The following ZNF185 variants were observed in gnomAD, a reference collection of about 807,000 sequenced individuals.
ZNF185 encodes zinc finger protein 185 with LIM domain.
Under a neutral mutation model 58.6 loss-of-function variants are expected in ZNF185, and 56 were observed. The observed-to-expected ratio is 0.95, with a 90% CI of 0.77 to 1.19. The LOEUF is 1.19. Ranked by LOEUF, ZNF185 falls within the 50% of genes most tolerant of loss-of-function variation. The pLI, the probability that ZNF185 is intolerant of heterozygous loss-of-function variation, is 0.00. For synonymous variants in ZNF185, 230 were observed against 215.9 expected (o/e 1.07, Z -0.57); for missense variants, 627 against 573.5 (o/e 1.09, Z -0.95).
At chrX:152,919,187 C>T in intron 7 of ZNF185, 106 bp downstream of exon 8, 1 of 606,936 alleles carries the variant, frequency 1.6e-6, no homozygotes, top group Non-Finnish European at 2.7e-6. Context: ...AAATGCACAA[C>T]ACGTAGGCCA....
At chrX:152,968,063 T>C (rs1248604523) in intron 20 of ZNF185, among the ~76,000 whole-genome samples, 1 of 111,339 alleles carries the variant, frequency 9.0e-6, no homozygotes, top group African/African-American at 3.3e-5. Flanking sequence ...AGGAAGGAAG[T>C]AAGAGGGTTA....
intron 16 of ZNF185, among the ~76,000 whole-genome samples, chrX:152,951,148 C>T (rs1441550125): frequency 1.9e-5 from 2 of 104,543 alleles, no homozygotes; most frequent in African/African-American, 3.5e-5. Context: ...TGCAGTCGCG[C>T]GATCACCATG....
chrX:152,937,631 C>G (rs1556883353), intron 14 of ZNF185, among the ~76,000 whole-genome samples: 1 of 112,199 alleles, frequency 8.9e-6, no homozygotes, highest in South Asian at 3.7e-4. Context: ...GGCAGTTATA[C>G]CTTTTACAGA....
chrX:152,914,820 G>A, exon 2 of ZNF185: 1 of 1,185,138 alleles, frequency 8.4e-7, no homozygotes, highest in Non-Finnish European at 1.1e-6. Context: ...GGATGAATCG[G>A]AGGGTCGCAC....
chrX:152,958,731 C>CAA (rs782229640), intron 16 of ZNF185, among the ~76,000 whole-genome samples: 1 of 84,382 alleles, frequency 1.2e-5, no homozygotes, highest in African/African-American at 4.7e-5. Context: ...AACTCCGTCT[C>CAA]AAAAAAAAAA....
chrX:152,899,722 T>A, the ZNF185 span, among the ~76,000 whole-genome samples: 2,376 of 111,675 alleles, frequency 0.021, 69 homozygotes, highest in African/African-American at 0.073. Flanking sequence ...GGTTCCTCAG[T>A]CCTGGAGCAG....
At chrX:152,929,699 C>T (rs781860561) in intron 12 of ZNF185, among the ~76,000 whole-genome samples, 6 of 112,666 alleles carry the variant, frequency 5.3e-5, no homozygotes, top group Admixed American at 1.9e-4. Flanking sequence ...TGTCTGCGAC[C>T]GTTTCCTACT....
At chrX:152,901,253 T>TG in the ZNF185 span, among the ~76,000 whole-genome samples, 5 of 107,562 alleles carry the variant, frequency 4.6e-5, no homozygotes, top group East Asian at 1.4e-3. Context: ...TTTTTTTTTT[T>TG]TTGTTAGAGC....
At chrX:152,955,969 T>G (rs1290256761) in intron 16 of ZNF185, among the ~76,000 whole-genome samples, 1 of 101,322 alleles carries the variant, frequency 9.9e-6, no homozygotes, top group African/African-American at 3.6e-5. Flanking sequence ...TGACCAAAAC[T>G]TAGGGCCTTA....
intron 16 of ZNF185, among the ~76,000 whole-genome samples, chrX:152,956,905 G>GT (rs1190392600): frequency 8.9e-6 from 1 of 112,029 alleles, no homozygotes; most frequent in Admixed American, 9.4e-5. Flanking sequence ...TGAACATAAG[G>GT]TAAGAATTTT....
At chrX:152,929,167 G>C (rs1941464095) in intron 12 of ZNF185, among the ~76,000 whole-genome samples, 1 of 111,818 alleles carries the variant, frequency 8.9e-6, no homozygotes, top group Admixed American at 9.4e-5. Context: ...AATAGAGTGG[G>C]GTCACTGGGT....
Position 152,924,652 on chromosome X carries a change from T to C in ZNF185, c.830+1843T>C, listed in dbSNP as rs781855667. 2.7e-5 allele frequency among the ~76,000 whole-genome samples: 3 copies of C among 112,060 alleles called. No individual in the cohort carries two copies. The South Asian group carries it at 1.1e-3, about 42-fold the overall frequency. On this transcript the variant is annotated intron_variant, in intron 11 of 22. Transcript: ENST00000449285. ...TCTTTTAAAGAAAGGCAATAAATGG[T>C]TTCAGGTGCCTTTCTGTTTGTTCGT...
intron 15 of ZNF185, 40 bp from the exon 18 acceptor site, chrX:152,945,227 T>A: frequency 8.6e-7 from 1 of 1,169,570 alleles, no homozygotes; most frequent in East Asian, 3.1e-5. Context: ...AGGGTTAGTT[T>A]CAGAGCACTT....
chrX:152,932,888 G>C, exon 14 of ZNF185: 1 of 1,204,202 alleles, frequency 8.3e-7, no homozygotes, highest in Non-Finnish European at 1.1e-6. Context: ...GTGCACAGTT[G>C]AGTGATGGCA....
chrX:152,907,165 C>A, the ZNF185 span, among the ~76,000 whole-genome samples: 1 of 111,770 alleles, frequency 8.9e-6, no homozygotes, highest in African/African-American at 3.3e-5. Flanking sequence ...CTGCCGCTCC[C>A]GTCTGTGTCC....
upstream of ZNF185, among the ~76,000 whole-genome samples, chrX:152,912,857 G>C (rs1463319117): frequency 8.9e-6 from 1 of 112,365 alleles, no homozygotes; most frequent in Non-Finnish European, 1.9e-5. Flanking sequence ...AGTTAGGCCT[G>C]TATGGCCCTA....
chrX:152,961,754 A>G (rs1455505323), intron 17 of ZNF185, among the ~76,000 whole-genome samples: 9 of 112,664 alleles, frequency 8.0e-5, no homozygotes, highest in African/African-American at 1.9e-4. Context: ...ACTGTTCTGC[A>G]TGCCTTATGT....
upstream of ZNF185, among the ~76,000 whole-genome samples, chrX:152,911,444 T>A (rs182262413): frequency 9.0e-6 from 1 of 111,042 alleles, no homozygotes; most frequent in East Asian, 2.9e-4. Context: ...GTGGGCCAAG[T>A]GGGATTAGAG....
chrX:152,929,283 TG>T (rs1488836770), intron 12 of ZNF185, among the ~76,000 whole-genome samples: 6 of 105,953 alleles, frequency 5.7e-5, no homozygotes, highest in Admixed American at 1.0e-4. Flanking sequence ...TGCCCTGGGG[TG>T]GGGGTCAGAC....
Sources: allele counts gnomAD v4.1 joint callset (sites outside exome capture counted in the v4.1 genomes callset), GRCh38; gene constraint gnomAD v4.1.1; transcripts MANE v1.5; gene names NCBI Gene and HGNC (gene_info 2026-07-23, HGNC 2026-07-21).